The following RELN variants were observed in gnomAD, a reference collection of about 807,000 sequenced individuals.
RELN encodes reelin.
In RELN, 108 loss-of-function variants were observed where a neutral mutation model predicts 427.6. The ratio of observed to expected loss-of-function variants is 0.25; its 90% confidence interval spans 0.22 to 0.30. The LOEUF (loss-of-function observed/expected upper bound fraction) is 0.30, where lower values mean the gene tolerates loss of function less well. RELN is among the 10% of genes least tolerant of loss of function. The probability of loss-of-function intolerance (pLI) is 1.00; values close to 1 mark genes in which losing one functional copy is unlikely to be tolerated. For synonymous variants in RELN, 1,524 were observed against 1,513.4 expected (o/e 1.01, Z -0.16); for missense variants, 3,715 against 4,302.8 (o/e 0.86, Z 3.82).
intron 1 of RELN, among the ~76,000 whole-genome samples, chr7:103,952,169 G>A (rs1345464065): frequency 6.6e-6 from 1 of 152,158 alleles, no homozygotes; most frequent in African/African-American, 2.4e-5. Flanking sequence ...TAGTTTTGCT[G>A]TCATTCCATT....
chr7:103,643,055 T>C (rs1832725903), intron 16 of RELN, among the ~76,000 whole-genome samples: 1 of 152,134 alleles, frequency 6.6e-6, no homozygotes, highest in African/African-American at 2.4e-5. Context: ...ATAATTCATA[T>C]TGGTTCATCA....
In RELN at chr7:103,651,805, C is replaced by T. The variant is rs200808302; in HGVS notation, c.1764-16G>A. ...CAAGCTGACACTAATAAAACCAGAA[C>T]AAGCACACACAAAAGGTGGGGAGGG... On this transcript the variant is annotated splice_polypyrimidine_tract_variant and intron_variant, in intron 14 of 64. Coordinates refer to ENST00000428762, the MANE Select transcript of RELN (RefSeq NM_005045.4). The T allele has an allele frequency of 4.7e-5, 76 of 1,609,974 alleles. No individual in the cohort carries two copies. In the East Asian group the frequency reaches 1.6e-3, roughly 34 times the overall value.
chr7:103,970,982 C>T (rs1796751983), intron 1 of RELN, among the ~76,000 whole-genome samples: 1 of 151,900 alleles, frequency 6.6e-6, no homozygotes, highest in Non-Finnish European at 1.5e-5. Flanking sequence ...GTGGCAAAAC[C>T]CCGTCTCTGC....
intron 15 of RELN, 66 bp from the exon 16 acceptor site, chr7:103,650,449 T>C (rs1253629647): frequency 1.0e-6 from 1 of 1,001,520 alleles, no homozygotes; most frequent in African/African-American, 1.6e-5. Flanking sequence ...CTATTTTACA[T>C]GGTTTTCATG....
chr7:103,558,768 T>C (rs1461790992), intron 36 of RELN, among the ~76,000 whole-genome samples: 1 of 149,518 alleles, frequency 6.7e-6, no homozygotes, highest in Non-Finnish European at 1.5e-5. Flanking sequence ...TAAAACAGAA[T>C]TTCACTATGC....
chr7:103,697,681 C>T (rs184239833), intron 10 of RELN, among the ~76,000 whole-genome samples, 172 bp downstream of exon 10: 1 of 152,246 alleles, frequency 6.6e-6, no homozygotes, highest in East Asian at 1.9e-4. Flanking sequence ...ATGTTTTATA[C>T]TAATGACTTT....
In RELN at chr7:103,865,132, CAAAAAAA is replaced by C. The variant is rs386410871; in HGVS notation, c.338-31467_338-31461del. ...CTGGCCAACAAGAGGGAAACTGTCT[CAAAAAAA>C]AAAAAAAAAAAAAAAAGAAAGAAAG... On this transcript the variant is annotated intron_variant, in intron 2 of 64. Transcript: ENST00000428762. 4.5e-5 allele frequency among the ~76,000 whole-genome samples: 3 copies of C among 67,198 alleles called. 1 individual carries two copies. Among genetic ancestry groups the C allele is most frequent in the African/African-American group, 1.9e-4 (3 of 15,708 alleles). The allele number at this position is 67,198 out of a possible 152,430, so 44.1% of individuals were successfully genotyped here.
intron 3 of RELN, among the ~76,000 whole-genome samples, chr7:103,821,035 TATA>T (rs1247142904): frequency 6.6e-6 from 1 of 152,192 alleles, no homozygotes; most frequent in Non-Finnish European, 1.5e-5. Context: ...ACTTTTTAAA[TATA>T]ATGTTTTCTC....
chr7:103,864,399 G>C (rs7791481), intron 2 of RELN, among the ~76,000 whole-genome samples: 21,885 of 152,170 alleles, frequency 0.14, 1,878 homozygotes, highest in East Asian at 0.34. Flanking sequence ...ACCTCTAGAA[G>C]TTACTCACCT....
In RELN at chr7:103,749,419, A is replaced by T; in HGVS notation, c.656+7T>A. 6.2e-7 allele frequency: 1 copy of T among 1,608,114 alleles called. No individual in the cohort carries two copies. Among genetic ancestry groups the T allele is most frequent in the Non-Finnish European group, 8.5e-7 (1 of 1,174,614 alleles). The stretch of plus-strand genomic sequence containing the variant: ...AAACCAAAGTGAGGAATGTTCCTGT[A>T]ACTTACCATATATTTGGATTTAATT... On this transcript the variant is annotated splice_region_variant and intron_variant, in intron 6 of 64. Coordinates refer to ENST00000428762, the MANE Select transcript of RELN (RefSeq NM_005045.4).
chr7:103,587,502 CAACAAA>C (rs1285304007), intron 28 of RELN, among the ~76,000 whole-genome samples: 3 of 151,946 alleles, frequency 2.0e-5, no homozygotes, highest in Non-Finnish European at 4.4e-5. Context: ...AAAGCACAGC[CAACAAA>C]AACAAAAACA....
At chr7:103,491,854 TCTCACACACACACACACACACACA>T (rs1828676336) in intron 58 of RELN, 75 bp downstream of exon 58, 20 of 377,930 alleles carry the variant, frequency 5.3e-5, no homozygotes, top group Middle Eastern at 7.2e-4. Context: ...TCTCTCTCTC[TCTCACACACACACACACACACACA>T]CACACACACA....
Position 103,561,698 on chromosome 7 carries a change from C to T in RELN, c.5363G>A (p.Gly1788Asp), listed in dbSNP as rs1475085539. The T allele has an allele frequency of 6.2e-7, 1 of 1,613,940 alleles. No individual in the cohort carries two copies. The highest frequency in any genetic ancestry group is 1.1e-5 in the South Asian group (1 of 91,080). ...AGGAACACAATAGGGTCCACCAAAGCCCCGGTCACACCTAAGAAAGAGAGG... is the reference window on the plus strand; with the variant it reads ...AGGAACACAATAGGGTCCACCAAAGTCCCGGTCACACCTAAGAAAGAGAGG... ...CDAGRCVCDR[G>D]FGGPYCVPVV... Residue 1788 changes from glycine (G) to aspartate (D), a missense_variant, in exon 36 of 65, where the codon GGC becomes GAC. Transcript: ENST00000428762.
At chr7:103,664,651 G>C (rs1833217949) in intron 11 of RELN, among the ~76,000 whole-genome samples, 2 of 152,094 alleles carry the variant, frequency 1.3e-5, no homozygotes, top group African/African-American at 4.8e-5. Flanking sequence ...ACTTCATTTT[G>C]TCAAGCTTTT....
At position 103,968,806 on chromosome 7, in the gene RELN, A is replaced by C. The variant is rs779796156; in HGVS notation, c.226+20325T>G. ...TACCATTGACATTCTGCCTAACAAC[A>C]ACAAAAACAATTACAGACAAAACTT... is the stretch of plus-strand genomic sequence containing the variant. On this transcript the variant is annotated intron_variant, in intron 1 of 64. Transcript: ENST00000428762. This position sits in a 1 kb window ranked among gnomAD's most constrained non-coding sequence, Gnocchi z 4.3. Among the ~76,000 whole-genome samples, 2 of 152,204 alleles carry C rather than the reference A, an allele frequency of 1.3e-5. No homozygotes were observed. Among genetic ancestry groups the C allele is most frequent in the Admixed American group, 6.5e-5 (1 of 15,284 alleles).
intron 34 of RELN, among the ~76,000 whole-genome samples, chr7:103,564,036 G>A (rs939417060): frequency 6.6e-6 from 1 of 152,196 alleles, no homozygotes; most frequent in African/African-American, 2.4e-5. Flanking sequence ...GTTAAGTGAT[G>A]CATGACTTTA....
intron 11 of RELN, among the ~76,000 whole-genome samples, chr7:103,668,087 G>A (rs535926120): frequency 1.3e-5 from 2 of 152,078 alleles, no homozygotes; most frequent in East Asian, 1.9e-4. Flanking sequence ...AAAATTAGCC[G>A]GGCATGGTGG....
intron 4 of RELN, among the ~76,000 whole-genome samples, chr7:103,760,478 A>C (rs1314620344): frequency 1.3e-5 from 2 of 152,166 alleles, no homozygotes; most frequent in Non-Finnish European, 2.9e-5. Flanking sequence ...ACTCCAAAAT[A>C]TAGCAGCACT....
At chr7:103,881,923 T>C (rs950480780) in intron 2 of RELN, among the ~76,000 whole-genome samples, 1 of 152,222 alleles carries the variant, frequency 6.6e-6, no homozygotes, top group Non-Finnish European at 1.5e-5. Context: ...GAATCATGTT[T>C]CATTGAATAT....
Sources: allele counts gnomAD v4.1 joint callset (sites outside exome capture counted in the v4.1 genomes callset), GRCh38; gene constraint gnomAD v4.1.1; non-coding constraint Gnocchi (gnomAD v3.1); transcripts MANE v1.5; gene names NCBI Gene and HGNC (gene_info 2026-07-23, HGNC 2026-07-21).